ANKS1A: variants seen among roughly 807,000 people sequenced by gnomAD.
ANKS1A encodes ankyrin repeat and sterile alpha motif domain containing 1A.
A neutral mutation model predicts 120.3 loss-of-function variants in ANKS1A; 55 were observed. The observed-to-expected ratio is 0.46, with a 90% confidence interval of 0.37 to 0.57. The LOEUF (loss-of-function observed/expected upper bound fraction) is 0.57. ANKS1A is among the 20% of genes least tolerant of loss of function. The pLI, the probability that ANKS1A is intolerant of heterozygous loss-of-function variation, is 0.00. For synonymous variants in ANKS1A, 590 were observed against 604.7 expected, an observed-to-expected ratio of 0.98 and a Z score of 0.36; for missense variants, 1,123 against 1,480.3, an observed-to-expected ratio of 0.76 and a Z score of 3.96.
chr6:34,891,633 C>CT lies in ANKS1A; in HGVS notation c.197+2046dup, dbSNP rs879928079. On this transcript the variant is annotated intron_variant, in intron 1 of 23. Transcript: ENST00000360359. ...ACCCTCAAACACAGGTCAAATTATT[C>CT]TTTTTTTTTTTTGGAGACGGAGTCT... is the stretch of plus-strand genomic sequence containing the variant. Among the ~76,000 whole-genome samples the CT allele has an allele frequency of 9.2e-3, 1,346 of 146,534 alleles. 16 individuals carry two copies. Among genetic ancestry groups the CT allele is most frequent in the African/African-American group, 0.027 (1,090 of 40,270 alleles).
downstream of ANKS1A, among the ~76,000 whole-genome samples, chr6:35,091,731 T>C (rs997907494): frequency 1.3e-5 from 2 of 152,202 alleles, no homozygotes; most frequent in Non-Finnish European, 2.9e-5. Flanking sequence ...TGTCCACCCA[T>C]AGACATGAAC....
At chr6:34,901,012 A>G (rs535489790) in intron 1 of ANKS1A, among the ~76,000 whole-genome samples, 2 of 152,268 alleles carry the variant, frequency 1.3e-5, no homozygotes, top group South Asian at 4.2e-4. Flanking sequence ...ATGTAGGTGC[A>G]CGTGTTCATG....
intron 1 of ANKS1A, among the ~76,000 whole-genome samples, chr6:34,907,375 A>G (rs950449053): frequency 6.6e-6 from 1 of 152,170 alleles, no homozygotes; most frequent in Non-Finnish European, 1.5e-5. Flanking sequence ...CATGTGGGGT[A>G]TTGGTTCGAG....
At chr6:34,974,801 T>C (rs937692316) in intron 3 of ANKS1A, among the ~76,000 whole-genome samples, 1 of 152,210 alleles carries the variant, frequency 6.6e-6, no homozygotes, top group Non-Finnish European at 1.5e-5. Flanking sequence ...TAACTAGTAA[T>C]ATTTGAGATA....
chr6:35,080,241 G>GC (rs35401211), intron 16 of ANKS1A, among the ~76,000 whole-genome samples: 59,755 of 151,982 alleles, frequency 0.39, 13,549 homozygotes, highest in Middle Eastern at 0.54. Context: ...AATCCAAAAG[G>GC]CCAGGACTCA....
At chr6:34,977,224 CTGGGTATA>C (rs1202363735) in intron 3 of ANKS1A, among the ~76,000 whole-genome samples, 2 of 152,234 alleles carry the variant, frequency 1.3e-5, no homozygotes, top group East Asian at 3.9e-4. Context: ...TGATTAGATT[CTGGGTATA>C]CATTTTTGGC....
chr6:35,061,910 T>C (rs1776526432), intron 13 of ANKS1A, among the ~76,000 whole-genome samples: 1 of 152,082 alleles, frequency 6.6e-6, no homozygotes, highest in African/African-American at 2.4e-5. Context: ...AGGCTGGCCG[T>C]CAGATGGGCA....
intron 10 of ANKS1A, among the ~76,000 whole-genome samples, chr6:35,015,326 G>A (rs1242928591): frequency 3.3e-5 from 5 of 152,084 alleles, no homozygotes; most frequent in African/African-American, 9.7e-5. Flanking sequence ...GCAAAACCCC[G>A]TCTCTACTAA....
At position 35,017,999 on chromosome 6, in the gene ANKS1A, C is replaced by G; in HGVS notation, c.1950C>G (p.Asn650Lys). ...GGAGTCGGAGTGAGTCCTTATCCAA[C>G]TGCAGCATTGGGAAGAAAAGGCTAG... Reference protein sequence around the residue: ...TMGSRSESLSNCSIGKKRLEK... With the variant: ...TMGSRSESLSKCSIGKKRLEK... The change falls in exon 11 of 24, where the codon AAC becomes AAG. Residue 650 changes from asparagine to lysine, a missense_variant. By Grantham distance (94) the Asn-to-Lys change is moderately conservative. Around this residue, in one of 3 missense-constraint regions of ANKS1A, gnomAD observed 904 missense variants for 1,130.4 expected, o/e 0.80. Transcript: ENST00000360359. The G allele has an allele frequency of 6.2e-7, 1 of 1,614,222 alleles. No homozygotes were observed. The highest frequency in any genetic ancestry group is 2.2e-5 in the East Asian group (1 of 44,876).
chr6:34,940,410 T>C (rs973911216), intron 1 of ANKS1A, among the ~76,000 whole-genome samples: 2 of 152,152 alleles, frequency 1.3e-5, no homozygotes, highest in Non-Finnish European at 2.9e-5. Flanking sequence ...CTTGAGGCAC[T>C]TGTGGGAATC....
chr6:34,931,188 C>T (rs1158316518), intron 1 of ANKS1A, among the ~76,000 whole-genome samples: 1 of 150,800 alleles, frequency 6.6e-6, no homozygotes, highest in East Asian at 1.9e-4. Context: ...ACTCTGTCAC[C>T]CAGGCTGGAG....
At chr6:34,893,404 T>C (rs542231242) in intron 1 of ANKS1A, among the ~76,000 whole-genome samples, 4 of 152,312 alleles carry the variant, frequency 2.6e-5, no homozygotes, top group African/African-American at 9.6e-5. Context: ...CCCAAAGTGC[T>C]GGGATTATAG....
intron 1 of ANKS1A, among the ~76,000 whole-genome samples, chr6:34,930,087 A>G (rs1768910804): frequency 1.3e-5 from 2 of 152,218 alleles, no homozygotes; most frequent in African/African-American, 4.8e-5. Flanking sequence ...TACTAAATAA[A>G]AGGTTTTGGT....
At chr6:34,911,999 A>G (rs1257079187) in intron 1 of ANKS1A, among the ~76,000 whole-genome samples, 1 of 152,158 alleles carries the variant, frequency 6.6e-6, no homozygotes, top group African/African-American at 2.4e-5. Context: ...GCAATAACAC[A>G]AGTTCTTGTT....
At chr6:35,088,531 C>T in intron 23 of ANKS1A, 75 bp from the exon 24 acceptor site, 1 of 1,586,056 alleles carries the variant, frequency 6.3e-7, no homozygotes. Flanking sequence ...CTCTGTGTTT[C>T]CTTTCCATTT....
At chr6:35,091,732 A>AGAC (rs1367689890), downstream of ANKS1A, among the ~76,000 whole-genome samples, 3 of 152,202 alleles carry the variant, frequency 2.0e-5, no homozygotes, top group Admixed American at 1.3e-4. Context: ...GTCCACCCAT[A>AGAC]GACATGAACC....
intron 9 of ANKS1A, among the ~76,000 whole-genome samples, chr6:34,990,947 A>G (rs537994007): frequency 6.2e-4 from 94 of 152,294 alleles, no homozygotes; most frequent in African/African-American, 2.2e-3. Context: ...GATTTTATTC[A>G]TATGCTGTAG....
At chr6:34,998,127 T>A (rs1561901922) in intron 10 of ANKS1A, among the ~76,000 whole-genome samples, 3 of 152,198 alleles carry the variant, frequency 2.0e-5, no homozygotes, top group Non-Finnish European at 4.4e-5. Flanking sequence ...CCTGGCAGCC[T>A]GGCAGGAAAA....
intron 11 of ANKS1A, among the ~76,000 whole-genome samples, chr6:35,043,184 C>T (rs1775552050): frequency 6.6e-6 from 1 of 152,210 alleles, no homozygotes; most frequent in African/African-American, 2.4e-5. Context: ...TTTCTTTTCA[C>T]CCCTTGCCAC....
Sources: allele counts gnomAD v4.1 joint callset (sites outside exome capture counted in the v4.1 genomes callset), GRCh38; gene constraint gnomAD v4.1.1; regional missense constraint gnomAD v4.1.1; transcripts MANE v1.5; gene names NCBI Gene and HGNC (gene_info 2026-07-23, HGNC 2026-07-21).